GAPVD1: variants seen among roughly 807,000 people sequenced by gnomAD.
GAPVD1 encodes the protein GTPase-activating protein and VPS9 domain-containing protein 1.
Under a neutral mutation model 155.5 loss-of-function variants are expected in GAPVD1, and 35 were observed. The ratio of observed to expected loss-of-function variants is 0.23; its 90% CI spans 0.17 to 0.30. GAPVD1 has a LOEUF of 0.30. Among genes scored for constraint, GAPVD1 ranks in the 10% least tolerant of loss-of-function variants. GAPVD1 has a pLI of 1.00. For missense variants in GAPVD1, 1,429 were observed against 1,775.7 expected (o/e 0.80, Z 3.51); for synonymous variants, 636 against 619.7 (o/e 1.03, Z -0.39).
chr9:125,319,291 C>T (rs1005142821), intron 9 of GAPVD1, among the ~76,000 whole-genome samples: 1 of 151,876 alleles, frequency 6.6e-6, no homozygotes, highest in Non-Finnish European at 1.5e-5. Context: ...GGAGGATTGC[C>T]TGTGCCTAGG....
In GAPVD1 at chr9:125,350,358, G is replaced by A; in HGVS notation, c.3363G>A (p.Leu1121=). ...CSADSVAFPV[L]THSTRNGLPD... is the part of the protein sequence containing the mutation. ...CGGACTCTGTTGCCTTCCCAGTGCT[G>A]ACCCATTCAACAAGGAATGGTTTAC... The change falls in exon 22 of 28, where the codon CTG becomes CTA. Residue 1121 remains leucine (L), a synonymous_variant. Transcript: ENST00000297933. The A allele has an allele frequency of 1.9e-6, 3 of 1,608,892 alleles. No homozygotes were observed. Among genetic ancestry groups the A allele is most frequent in the Non-Finnish European group, 2.5e-6 (3 of 1,178,626 alleles).
intron 10 of GAPVD1, among the ~76,000 whole-genome samples, chr9:125,322,187 C>T (rs1844426833): frequency 1.3e-5 from 2 of 152,060 alleles, no homozygotes; most frequent in African/African-American, 4.8e-5. Flanking sequence ...GCCTCAGCCT[C>T]CTGCATAGTT....
chr9:125,300,702 C>G (rs1840725439), intron 4 of GAPVD1, among the ~76,000 whole-genome samples: 1 of 151,896 alleles, frequency 6.6e-6, no homozygotes, highest in African/African-American at 2.4e-5. Flanking sequence ...TGTTCCATGT[C>G]TTAATCTGAG....
intron 25 of GAPVD1, among the ~76,000 whole-genome samples, chr9:125,357,354 G>C (rs1188861820): frequency 1.3e-5 from 2 of 152,136 alleles, no homozygotes; most frequent in African/African-American, 4.8e-5. Flanking sequence ...CAAGGCAGGT[G>C]GATCACCTGA....
Position 125,302,430 on chromosome 9 carries a change from T to G in GAPVD1, c.633T>G (p.Asp211Glu). The G allele has an allele frequency of 6.2e-7, 1 of 1,613,730 alleles. No individual in the cohort carries two copies. The highest frequency in any genetic ancestry group is 1.1e-5 in the South Asian group (1 of 91,068). Residue 211 changes from aspartate (D) to glutamate (E), a missense_variant, in exon 5 of 28, where the codon GAT becomes GAG. By Grantham distance (45) the Asp-to-Glu change is conservative. Around this residue, in one of 4 missense-constraint regions of GAPVD1, gnomAD observed 628 missense variants for 733.4 expected, o/e 0.86. Transcript: ENST00000297933. The part of the protein sequence containing the change: ...HEPIMQLLVE[D>E]EDHLETDPNK... The stretch of plus-strand genomic sequence containing the variant: ...CAATTATGCAACTGCTTGTTGAAGA[T>G]GAAGATCACCTGGAAACAGATCCAA...
rs16928100 is a variant in GAPVD1, at chr9:125,343,459, A to G, written c.3046+1160A>G. ...TAAGAACATCCTCATCAAAGAGTTC[A>G]GCATTACAGGTAGAATCCCATTTTA... is the stretch of plus-strand genomic sequence containing the variant. On this transcript the variant is annotated intron_variant, in intron 19 of 27. Transcript: ENST00000297933. 8.7e-4 allele frequency among the ~76,000 whole-genome samples: 133 copies of G among 152,346 alleles called. 1 individual carries two copies. In the East Asian group the frequency reaches 0.025, roughly 29 times the overall value.
At position 125,337,378 on chromosome 9, in the gene GAPVD1, G is replaced by A; in HGVS notation, c.2664G>A (p.Lys888=). The change falls in exon 17 of 28, where the codon AAG becomes AAA. Residue 888 remains lysine, a synonymous_variant. Transcript: ENST00000297933. ...CTCCAGCTGAAATGGAGGCATTCAA[G>A]CAAAGGCATTCTTACCCTGAGAGAC... The part of the protein sequence containing the change: ...VLTPAEMEAF[K]QRHSYPERLV... The A allele has an allele frequency of 6.2e-7, 1 of 1,614,148 alleles. No homozygotes were observed. The highest frequency in any genetic ancestry group is 8.5e-7 in the Non-Finnish European group (1 of 1,180,018).
intron 8 of GAPVD1, among the ~76,000 whole-genome samples, chr9:125,310,425 G>C (rs1040469592): frequency 3.3e-5 from 5 of 151,416 alleles, no homozygotes; most frequent in African/African-American, 1.2e-4. Context: ...AGTTGTTTTT[G>C]CTTTATGTCT....
intron 3 of GAPVD1, among the ~76,000 whole-genome samples, chr9:125,296,653 C>CTTTTTT (rs34723392): frequency 4.0e-5 from 5 of 125,316 alleles, no homozygotes; most frequent in African/African-American, 9.4e-5. Flanking sequence ...TGTGCCTGGC[C>CTTTTTT]TTTTTTTTTT....
rs1423428716 is a variant in GAPVD1 at position 125,346,828 on chromosome 9, G to A, written c.3056G>A (p.Ser1019Asn). Residue 1019 changes from serine to asparagine, a missense_variant, in exon 20 of 28, where the codon AGC becomes AAC. Ser to Asn is a conservative substitution (Grantham distance 46). Coordinates refer to ENST00000297933, the MANE Select transcript of GAPVD1 (RefSeq NM_001282680.3). Reference sequence around the variant, plus strand: ...CTCCTTTCCCTTGCAGATGATCCCAGCCCTAGACTCAGTGCACAAGCTCAG... The same window carrying A: ...CTCCTTTCCCTTGCAGATGATCCCAACCCTAGACTCAGTGCACAAGCTCAG... ...DRFSTLTDDPSPRLSAQAQVA... is the reference protein window; with the variant it reads ...DRFSTLTDDPNPRLSAQAQVA... 2.1e-5 allele frequency: 34 copies of A among 1,613,892 alleles called. No homozygotes were observed. The highest frequency in any genetic ancestry group is 2.9e-5 in the Non-Finnish European group (34 of 1,179,766).
chr9:125,265,574 G>T (rs1833767306), intron 1 of GAPVD1, among the ~76,000 whole-genome samples: 1 of 149,712 alleles, frequency 6.7e-6, no homozygotes, highest in East Asian at 2.0e-4. Flanking sequence ...ACGATGGCTG[G>T]CTAATTTTTG....
intron 14 of GAPVD1, 69 bp downstream of exon 14, chr9:125,332,129 AGTTG>A: frequency 2.9e-6 from 4 of 1,394,910 alleles, no homozygotes; most frequent in Admixed American, 4.1e-5. Context: ...CTATTTATAA[AGTTG>A]ATACAAAAAG....
At chr9:125,308,857 G>A (rs536956882) in intron 8 of GAPVD1, 6 of 152,304 alleles carry the variant, frequency 3.9e-5, no homozygotes, top group East Asian at 3.9e-4. Flanking sequence ...CATACTAAGC[G>A]TTCTGAGGAG....
intron 23 of GAPVD1, among the ~76,000 whole-genome samples, chr9:125,352,190 A>T (rs1849385424): frequency 6.6e-6 from 1 of 152,116 alleles, no homozygotes; most frequent in South Asian, 2.1e-4. Flanking sequence ...TGAATTCTGG[A>T]AGACAGTGGC....
intron 2 of GAPVD1, among the ~76,000 whole-genome samples, chr9:125,271,643 C>T (rs1351966764): frequency 2.0e-5 from 3 of 152,000 alleles, no homozygotes; most frequent in Admixed American, 6.6e-5. Context: ...CTCTGCCTCC[C>T]GGGTTCAAGC....
intron 3 of GAPVD1, among the ~76,000 whole-genome samples, chr9:125,297,888 G>A (rs985384252): frequency 1.3e-5 from 2 of 152,084 alleles, no homozygotes; most frequent in Admixed American, 6.6e-5. Flanking sequence ...TAGGACTACA[G>A]GTGTACACCA....
In GAPVD1 at chr9:125,332,027, C is replaced by T. The variant is rs750094853; in HGVS notation, c.2275C>T (p.Arg759Cys). ...TACGGATGTCAGGGAGGTCAGTTCC[C>T]GCCCCAGCACACCAGGCCTCAGTGT... ...DDTDVREVSS[R>C]PSTPGLSVVS... Residue 759 changes from arginine (R) to cysteine (C), a missense_variant, in exon 14 of 28, where the codon CGC becomes TGC. Around this residue, in one of 4 missense-constraint regions of GAPVD1, gnomAD observed 699 missense variants for 826.0 expected, o/e 0.85. Coordinates refer to ENST00000297933, the MANE Select transcript of GAPVD1 (RefSeq NM_001282680.3). 9.3e-6 allele frequency: 15 copies of T among 1,614,068 alleles called. No individual in the cohort carries two copies. Among genetic ancestry groups the T allele is most frequent in the Non-Finnish European group, 1.1e-5 (13 of 1,179,954 alleles).
At chr9:125,350,224 T>TAA in intron 21 of GAPVD1, 71 bp from the exon 22 acceptor site, 1 of 874,656 alleles carries the variant, frequency 1.1e-6, no homozygotes, top group Admixed American at 2.5e-5. Context: ...CATTAATTTA[T>TAA]ATAGTAAATA....
At chr9:125,267,649 A>T (rs1420897249) in intron 1 of GAPVD1, among the ~76,000 whole-genome samples, 1 of 151,814 alleles carries the variant, frequency 6.6e-6, no homozygotes, top group Non-Finnish European at 1.5e-5. Context: ...CCTCAGGTGA[A>T]CTGCCCGCTT....
Sources: gnomAD v4.1 joint callset for allele counts (sites outside exome capture counted in the v4.1 genomes callset) on GRCh38, gnomAD v4.1.1 for gene constraint, gnomAD v4.1.1 regional missense constraint, MANE v1.5 for transcripts, NCBI Gene and HGNC (gene_info 2026-07-23, HGNC 2026-07-21) for gene names.